Variants in BBS9 observed in about 807,000 individuals in gnomAD.
BBS9 encodes the protein Bardet-Biedl syndrome 9.
A neutral mutation model predicts 117.7 loss-of-function variants in BBS9; 89 were observed. The ratio of observed to expected loss-of-function variants is 0.76; its 90% CI spans 0.64 to 0.90. The LOEUF is 0.90. Ranked by LOEUF, BBS9 falls within the 40% of genes least tolerant of loss-of-function variation. The pLI, the probability that BBS9 is intolerant of heterozygous loss-of-function variation, is 0.00. For missense variants in BBS9, 982 were observed against 1,042.2 expected (o/e 0.94, Z 0.80); for synonymous variants, 379 against 370.9 (o/e 1.02, Z -0.25).
chr7:33,383,439 C>T (rs1007783456), intron 17 of BBS9, among the ~76,000 whole-genome samples: 1 of 152,194 alleles, frequency 6.6e-6, no homozygotes, highest in Non-Finnish European at 1.5e-5. Flanking sequence ...ATGCTTTACA[C>T]TTTGCCACTG....
At chr7:33,149,809 C>A (rs1481938577) in intron 2 of BBS9, among the ~76,000 whole-genome samples, 1 of 152,112 alleles carries the variant, frequency 6.6e-6, no homozygotes, top group Non-Finnish European at 1.5e-5. Flanking sequence ...TTTTAATAGT[C>A]GTACATATAC....
intron 5 of BBS9, among the ~76,000 whole-genome samples, chr7:33,202,200 A>G (rs1786000034): frequency 6.6e-6 from 1 of 152,116 alleles, no homozygotes; most frequent in African/African-American, 2.4e-5. Flanking sequence ...TGTCAATAGT[A>G]TTGGTTTTGC....
intron 19 of BBS9, among the ~76,000 whole-genome samples, chr7:33,469,595 A>G (rs1036678217): frequency 6.6e-5 from 10 of 152,162 alleles, no homozygotes; most frequent in African/African-American, 2.4e-4. Flanking sequence ...AAGTGGGAAA[A>G]TATCTGGAGG....
At chr7:33,224,348 C>G (rs1477157153) in intron 5 of BBS9, among the ~76,000 whole-genome samples, 1 of 152,030 alleles carries the variant, frequency 6.6e-6, no homozygotes, top group African/African-American at 2.4e-5. Flanking sequence ...TGGATCTGAC[C>G]CTGTAGACTG....
At chr7:33,166,079 T>G (rs993667511) in intron 4 of BBS9, among the ~76,000 whole-genome samples, 4 of 152,248 alleles carry the variant, frequency 2.6e-5, no homozygotes, top group African/African-American at 9.6e-5. Flanking sequence ...TAGTTTTCCT[T>G]CTAACAGTCA....
intron 19 of BBS9, among the ~76,000 whole-genome samples, chr7:33,411,789 T>A (rs964482999): frequency 6.6e-6 from 1 of 152,130 alleles, no homozygotes; most frequent in African/African-American, 2.4e-5. Flanking sequence ...TTTAAAGGAT[T>A]GTGCTATCAA....
intron 20 of BBS9, among the ~76,000 whole-genome samples, chr7:33,512,868 T>C (rs1847177902): frequency 6.6e-6 from 1 of 152,214 alleles, no homozygotes. Flanking sequence ...GAAACGCCCC[T>C]TGGCTCAGGC....
intron 5 of BBS9, among the ~76,000 whole-genome samples, chr7:33,201,927 A>ATGGT (rs1785939539): frequency 6.6e-6 from 1 of 152,192 alleles, no homozygotes; most frequent in Non-Finnish European, 1.5e-5. Context: ...GGGGGTCAGA[A>ATGGT]TGGTTGCCAG....
In BBS9 at chr7:33,388,049, C is replaced by G. The variant is rs368526968; in HGVS notation, c.2020C>G (p.Arg674Gly). The change falls in exon 19 of 23, where the codon CGG (arginine) becomes GGG (glycine). Residue 674 changes from arginine to glycine, a missense_variant. Arg to Gly is a moderately radical substitution (Grantham distance 125, BLOSUM62 -2). Transcript: ENST00000242067. ...ELLSERAVQF[R>G]AIQRRLLARF... ...CTTATCTGAGAGAGCTGTACAATTT[C>G]GGGCCATTCAACGCCGGCTACTAGC... 1 of 1,613,948 alleles carries G rather than the reference C, an allele frequency of 6.2e-7. No individual in the cohort carries two copies. Among genetic ancestry groups the G allele is most frequent in the Non-Finnish European group, 8.5e-7 (1 of 1,179,976 alleles).
chr7:33,545,167 AGTCTGCATGCCCG>A (rs1349497556), intron 21 of BBS9, among the ~76,000 whole-genome samples: 2 of 152,156 alleles, frequency 1.3e-5, no homozygotes, highest in Non-Finnish European at 2.9e-5. Flanking sequence ...CTGCCTGTAG[AGTCTGCATGCCCG>A]ATTTGTGCCC....
chr7:33,614,467 TA>T (rs1865035771), intron 21 of BBS9, among the ~76,000 whole-genome samples: 1 of 152,032 alleles, frequency 6.6e-6, no homozygotes, highest in Admixed American at 6.6e-5. Context: ...CACTCTGTCC[TA>T]ACAAGGGAAA....
chr7:33,482,468 G>A (rs545769222), intron 19 of BBS9, among the ~76,000 whole-genome samples: 8 of 152,266 alleles, frequency 5.3e-5, no homozygotes, highest in Non-Finnish European at 1.0e-4. Flanking sequence ...TAGGGGAGAT[G>A]CCATGAAGGA....
At chr7:33,341,680 A>G (rs569007321) in intron 11 of BBS9, among the ~76,000 whole-genome samples, 11 of 152,178 alleles carry the variant, frequency 7.2e-5, no homozygotes, top group Middle Eastern at 3.4e-3. Flanking sequence ...ACAACCATCT[A>G]TGTCCATGAG....
In BBS9 at chr7:33,344,226, C is replaced by T. The variant is rs200848837; in HGVS notation, c.1276-355C>T. 2.0e-4 allele frequency among the ~76,000 whole-genome samples: 31 copies of T among 151,224 alleles called. No individual in the cohort carries two copies. The East Asian group carries it at 4.9e-3, about 24-fold the overall frequency. On this transcript the variant is annotated intron_variant, in intron 11 of 22. Transcript: ENST00000242067. ...CCTCCCGAGTAGCTGGGACTACAGG[C>T]GCCCGCCACCGGGCCCGGCTAATTT... is the stretch of plus-strand genomic sequence containing the variant.
At chr7:33,204,306 T>G (rs1465675491) in intron 5 of BBS9, among the ~76,000 whole-genome samples, 3 of 149,228 alleles carry the variant, frequency 2.0e-5, no homozygotes, top group Admixed American at 2.0e-4. Context: ...ACTTGGGAGG[T>G]TGAGGTAGGA....
chr7:33,395,876 G>A (rs1827871272), intron 19 of BBS9, among the ~76,000 whole-genome samples: 1 of 152,060 alleles, frequency 6.6e-6, no homozygotes, highest in Non-Finnish European at 1.5e-5. Context: ...TCATTGTCAT[G>A]GACAAGTAAA....
At chr7:33,569,626 G>A (rs941166614) in intron 21 of BBS9, among the ~76,000 whole-genome samples, 6 of 151,838 alleles carry the variant, frequency 4.0e-5, no homozygotes, top group Non-Finnish European at 7.4e-5. Flanking sequence ...GCTGGGAAGG[G>A]TGGCTGGCGC....
At chr7:33,614,982 C>T (rs1229679981) in intron 21 of BBS9, among the ~76,000 whole-genome samples, 1 of 152,036 alleles carries the variant, frequency 6.6e-6, no homozygotes. Context: ...TGTCAGTCCA[C>T]AGTCAATCCT....
chr7:33,502,374 G>A (rs1845578564), intron 19 of BBS9, among the ~76,000 whole-genome samples: 1 of 152,120 alleles, frequency 6.6e-6, no homozygotes, highest in Non-Finnish European at 1.5e-5. Flanking sequence ...CTACCAATGT[G>A]AGGTCCCTGA....
Sources: gnomAD v4.1 joint callset for allele counts (sites outside exome capture counted in the v4.1 genomes callset) on GRCh38, gnomAD v4.1.1 for gene constraint, MANE v1.5 for transcripts, NCBI Gene and HGNC (gene_info 2026-07-23, HGNC 2026-07-21) for gene names.